Variants in TBC1D32 observed in about 807,000 individuals in gnomAD.
TBC1D32 encodes TBC1 domain family member 32, also known as protein broad-minded.
A neutral mutation model predicts 170.3 loss-of-function variants in TBC1D32; 151 were observed. The observed-to-expected ratio is 0.89, with a 90% CI of 0.78 to 1.01. TBC1D32 has a LOEUF of 1.01. TBC1D32 is among the 50% of genes least tolerant of loss of function. The probability of loss-of-function intolerance (pLI) is 0.00; values close to 1 mark genes in which losing one functional copy is unlikely to be tolerated. For synonymous variants in TBC1D32, 498 were observed against 488.0 expected (o/e 1.02, Z -0.27); for missense variants, 1,464 against 1,457.1 (o/e 1.00, Z -0.08).
At chr6:121,306,079 C>T (rs1207883168) in intron 5 of TBC1D32, among the ~76,000 whole-genome samples, 2 of 151,966 alleles carry the variant, frequency 1.3e-5, no homozygotes, top group Admixed American at 6.6e-5. Context: ...CAATTGCATC[C>T]GTCGTTAGAG....
rs1468860170 is a variant in TBC1D32, at chr6:121,146,262, A to G, written c.2773+13748T>C. On this transcript the variant is annotated intron_variant, in intron 24 of 31. Transcript: ENST00000398212. ...GTGTTGGCCAGTAGTCTGGAGATCC[A>G]GAAATAAGGGAGAAAAGAAAAAGGG... Among the ~76,000 whole-genome samples, 6 of 152,228 alleles carry G rather than the reference A, an allele frequency of 3.9e-5. 1 individual carries two copies. The highest frequency in any genetic ancestry group is 1.4e-4 in the African/African-American group (6 of 41,470).
chr6:121,183,772 A>G (rs545551762), intron 22 of TBC1D32, among the ~76,000 whole-genome samples: 3 of 152,206 alleles, frequency 2.0e-5, no homozygotes, highest in African/African-American at 7.2e-5. Flanking sequence ...CATTGGAAAG[A>G]AAAAAACATA....
chr6:121,131,829 A>G, intron 24 of TBC1D32, 77 bp from the exon 25 acceptor site: 1 of 1,190,598 alleles, frequency 8.4e-7, no homozygotes, highest in South Asian at 1.7e-5. Flanking sequence ...AACTATGTAA[A>G]CAGTTGAAAA....
intron 31 of TBC1D32, among the ~76,000 whole-genome samples, chr6:121,083,188 T>C (rs561341758): frequency 2.6e-5 from 4 of 152,142 alleles, no homozygotes; most frequent in African/African-American, 2.4e-5. Context: ...TATATCAAAC[T>C]CTATATAAAA....
At chr6:121,241,056 G>A (rs1205760531) in intron 19 of TBC1D32, among the ~76,000 whole-genome samples, 14 of 152,080 alleles carry the variant, frequency 9.2e-5, no homozygotes, top group Admixed American at 9.2e-4. Context: ...GAAATGTTAT[G>A]TAAATGAGTG....
At chr6:121,302,113 G>C (rs1563312556) in intron 9 of TBC1D32, among the ~76,000 whole-genome samples, 1 of 152,106 alleles carries the variant, frequency 6.6e-6, no homozygotes, top group African/African-American at 2.4e-5. Flanking sequence ...ACCATGTTCT[G>C]AAAAGAAATC....
chr6:121,159,871 A>T (rs1021293676), intron 24 of TBC1D32, 139 bp downstream of exon 24: 1 of 554,958 alleles, frequency 1.8e-6, no homozygotes, highest in Admixed American at 3.0e-5. Context: ...TGAGGAAAAA[A>T]ATACAAAGAA....
At position 121,298,914 on chromosome 6, in the gene TBC1D32, G is replaced by T. The variant is rs185154806; in HGVS notation, c.1140+532C>A. 8.2e-4 allele frequency among the ~76,000 whole-genome samples: 125 copies of T among 152,130 alleles called. 1 individual carries two copies. Among genetic ancestry groups the T allele is most frequent in the Admixed American group, 5.2e-4 (8 of 15,272 alleles). On this transcript the variant is annotated intron_variant, in intron 10 of 31. Coordinates refer to ENST00000398212, the MANE Select transcript of TBC1D32 (RefSeq NM_152730.6). ...ATTTTGTCAATTATTTATTAGACTTGCTGATTTCTTTTTAATTATTTTCAG... is the reference window on the plus strand; with the variant it reads ...ATTTTGTCAATTATTTATTAGACTTTCTGATTTCTTTTTAATTATTTTCAG...
intron 12 of TBC1D32, among the ~76,000 whole-genome samples, chr6:121,288,386 T>C (rs1403164342): frequency 6.6e-6 from 1 of 152,036 alleles, no homozygotes; most frequent in Admixed American, 6.6e-5. Context: ...TCTACACAAA[T>C]AAACTAGAAA....
intron 3 of TBC1D32, among the ~76,000 whole-genome samples, chr6:121,314,177 A>C (rs1378292274): frequency 6.6e-6 from 1 of 152,150 alleles, no homozygotes; most frequent in Non-Finnish European, 1.5e-5. Flanking sequence ...CTCATGGCCT[A>C]CTTCCATCTT....
Position 121,223,216 on chromosome 6 carries a change from A to T in TBC1D32, c.2481+20T>A. On this transcript the variant is annotated intron_variant, in intron 21 of 31. Transcript: ENST00000398212. ...ATAGTAGCATTTATAACAGAGAAAG[A>T]TTTAAAGAAAATGACTTACAATAAC... 1 of 1,420,670 alleles carries T rather than the reference A, an allele frequency of 7.0e-7. No individual in the cohort carries two copies. The allele number at this position is 1,420,670 out of a possible 1,614,324, so 88.0% of individuals were successfully genotyped here. A position where few individuals can be genotyped will look rare whatever the true frequency, so the allele number is the denominator to read the frequency against.
intron 24 of TBC1D32, among the ~76,000 whole-genome samples, chr6:121,158,075 G>T (rs1261511597): frequency 6.6e-6 from 1 of 151,938 alleles, no homozygotes; most frequent in African/African-American, 2.4e-5. Flanking sequence ...AAATTTTGAT[G>T]GACTTCAAAT....
rs537279034 is a variant in TBC1D32, at chr6:121,247,552, T to C, written c.2019-5213A>G. 3.3e-5 allele frequency among the ~76,000 whole-genome samples: 5 copies of C among 151,442 alleles called. No homozygotes were observed. In the East Asian group the frequency reaches 7.8e-4, roughly 24 times the overall value. ...GGAGAATGGATAACCACCAGCAAAATATCTGCTGTCTTCAAGAGACTCACT... is the reference window on the plus strand; with the variant it reads ...GGAGAATGGATAACCACCAGCAAAACATCTGCTGTCTTCAAGAGACTCACT... On this transcript the variant is annotated intron_variant, in intron 17 of 31. Transcript: ENST00000398212.
rs2128304420 is a variant in TBC1D32, at chr6:121,205,075, C to G, written c.2570G>C (p.Arg857Thr). The G allele has an allele frequency of 6.7e-7, 1 of 1,492,254 alleles. No homozygotes were observed. Among genetic ancestry groups the G allele is most frequent in the Non-Finnish European group, 9.1e-7 (1 of 1,102,292 alleles). The allele number at this position is 1,492,254 out of a possible 1,614,324, so 92.4% of individuals were successfully genotyped here. The stretch of plus-strand genomic sequence containing the variant: ...TCAAAAGTAAAATGTAGCATTTTAC[C>G]TTAGACCAAAGATATGTGATTGTTC... The part of the protein sequence containing the change: ...NYEQSHIFGL[R>T]DFIIDGLSVE... The change falls in exon 22 of 32, where the codon AGG becomes ACG. Residue 857 changes from arginine to threonine, a missense_variant and splice_region_variant. Around this residue, in one of 3 missense-constraint regions of TBC1D32, gnomAD observed 1,363 missense variants for 1,338.1 expected, o/e 1.02. Coordinates refer to ENST00000398212, the MANE Select transcript of TBC1D32 (RefSeq NM_152730.6).
intron 24 of TBC1D32, among the ~76,000 whole-genome samples, chr6:121,136,584 G>A (rs2128221849): frequency 6.6e-6 from 1 of 152,166 alleles, no homozygotes; most frequent in African/African-American, 2.4e-5. Flanking sequence ...TATTAATAGT[G>A]CTAAGACTGA....
chr6:121,193,432 G>A (rs966438809), intron 22 of TBC1D32, among the ~76,000 whole-genome samples: 1 of 152,200 alleles, frequency 6.6e-6, no homozygotes, highest in African/African-American at 2.4e-5. Context: ...CTTGACCACT[G>A]CCTTGTGAAA....
At chr6:121,205,284 G>A in intron 21 of TBC1D32, 121 bp from the exon 22 acceptor site, 1 of 491,534 alleles carries the variant, frequency 2.0e-6, no homozygotes, top group South Asian at 3.4e-5. Flanking sequence ...AATCACCTGG[G>A]GAGCTGTAAA....
chr6:121,093,978 C>T (rs765316191), intron 30 of TBC1D32, among the ~76,000 whole-genome samples: 6 of 152,016 alleles, frequency 3.9e-5, no homozygotes, highest in African/African-American at 1.2e-4. Flanking sequence ...ATCCCAGTTT[C>T]ACAAAGTTTA....
At position 121,303,633 on chromosome 6, in the gene TBC1D32, C is replaced by A. The variant is rs1806819727; in HGVS notation, c.1064G>T (p.Trp355Leu). The change falls in exon 9 of 32, where the codon TGG (tryptophan) becomes TTG (leucine). Residue 355 changes from tryptophan (W) to leucine (L), a missense_variant. This residue lies in a region of TBC1D32 where 1,363 missense variants were observed against 1,338.1 expected (regional missense o/e 1.02). Coordinates refer to ENST00000398212, the MANE Select transcript of TBC1D32 (RefSeq NM_152730.6). The part of the protein sequence containing the change: ...FFALVDTKAV[W>L]FKKWMHAHYS... Reference sequence around the variant, plus strand: ...TTTCCTTACCATCCACTTTTTGAACCACACAGCCTTGGTATCAACTAATGC... The same window carrying A: ...TTTCCTTACCATCCACTTTTTGAACAACACAGCCTTGGTATCAACTAATGC... 1 of 1,549,878 alleles carries A rather than the reference C, an allele frequency of 6.5e-7. No individual in the cohort carries two copies. The highest frequency in any genetic ancestry group is 8.8e-7 in the Non-Finnish European group (1 of 1,140,582).
Sources: gnomAD v4.1 joint callset for allele counts (sites outside exome capture counted in the v4.1 genomes callset) on GRCh38, gnomAD v4.1.1 for gene constraint, gnomAD v4.1.1 regional missense constraint, MANE v1.5 for transcripts, NCBI Gene and HGNC (gene_info 2026-07-23, HGNC 2026-07-21) for gene names.